Variants in FCGRT observed in about 807,000 individuals in gnomAD.
The protein encoded by FCGRT is Fc gamma receptor and transporter.
A neutral mutation model predicts 35.7 loss-of-function variants in FCGRT; 13 were observed. That is an observed-to-expected ratio of 0.36 (90% confidence interval 0.24 to 0.58). The LOEUF is 0.58. Ranked by LOEUF, FCGRT falls within the 20% of genes least tolerant of loss-of-function variation. The probability of loss-of-function intolerance (pLI) is 0.77; values close to 1 mark genes in which losing one functional copy is unlikely to be tolerated. For synonymous variants in FCGRT, 233 were observed against 216.5 expected, an observed-to-expected ratio of 1.08 and a Z score of -0.67; for missense variants, 455 against 474.9, an observed-to-expected ratio of 0.96 and a Z score of 0.39.
rs765804676 is a variant in FCGRT at position 49,524,586 on chromosome 19, C to T, written c.681C>T (p.Tyr227=). 3.7e-6 allele frequency: 6 copies of T among 1,612,604 alleles called. No individual in the cohort carries two copies. Among genetic ancestry groups the T allele is most frequent in the Admixed American group, 3.3e-5 (2 of 59,992 alleles). The stretch of plus-strand genomic sequence containing the variant: ...TTACCTGCAGCGCCTTCTCCTTCTA[C>T]CCTCCGGAGCTGCAACTTCGGTTCC... The part of the protein sequence containing the change: ...SVLTCSAFSF[Y]PPELQLRFLR... Residue 227 remains tyrosine, a synonymous_variant, in exon 5 of 7, where the codon TAC becomes TAT. Coordinates refer to ENST00000221466, the MANE Select transcript of FCGRT (RefSeq NM_001136019.3).
Position 49,524,614 on chromosome 19 carries a change from C to A in FCGRT, c.709C>A (p.Arg237=). The part of the protein sequence containing the change: ...YPPELQLRFL[R]NGLAAGTGQG... The stretch of plus-strand genomic sequence containing the variant: ...TCCGGAGCTGCAACTTCGGTTCCTG[C>A]GGAATGGGCTGGCCGCTGGCACCGG... Residue 237 remains arginine, a synonymous_variant, in exon 5 of 7, where the codon CGG becomes AGG. Transcript: ENST00000221466. 6.2e-7 allele frequency: 1 copy of A among 1,611,022 alleles called. No individual in the cohort carries two copies. The highest frequency in any genetic ancestry group is 8.5e-7 in the Non-Finnish European group (1 of 1,180,010).
rs1480439181 is a variant in FCGRT at position 49,514,392 on chromosome 19, G to A, written c.507G>A (p.Lys169=). ...AISQRWQQQD[K]AANKELTFLL... ...GTCAGCGGTGGCAGCAGCAGGACAAGGCGGCCAACAAGGAGCTCACCTTCC... is the reference window on the plus strand; with the variant it reads ...GTCAGCGGTGGCAGCAGCAGGACAAAGCGGCCAACAAGGAGCTCACCTTCC... The change falls in exon 4 of 7, where the codon AAG becomes AAA. Residue 169 remains lysine (K), a synonymous_variant. Coordinates refer to ENST00000221466, the MANE Select transcript of FCGRT (RefSeq NM_001136019.3). 6 of 1,609,276 alleles carry A rather than the reference G, an allele frequency of 3.7e-6. No homozygotes were observed. Among genetic ancestry groups the A allele is most frequent in the Admixed American group, 1.7e-5 (1 of 59,748 alleles).
Position 49,524,783 on chromosome 19 carries a change from T to C in FCGRT, c.871+7T>C, listed in dbSNP as rs3810194. On this transcript the variant is annotated splice_region_variant and intron_variant, in intron 5 of 6. Coordinates refer to ENST00000221466, the MANE Select transcript of FCGRT (RefSeq NM_001136019.3). ...CCCCTCAGGGTGGAGCTGGGTGAGG[T>C]CCCGCCAGGTGGTGATGCTCCTGGT... 0.086 allele frequency: 136,633 copies of C among 1,597,202 alleles called. 6,837 individuals carry two copies. Among genetic ancestry groups the C allele is most frequent in the African/African-American group, 0.18 (13,707 of 74,886 alleles).
At position 49,514,375 on chromosome 19, in the gene FCGRT, T is replaced by C; in HGVS notation, c.490T>C (p.Trp164Arg). 1 of 1,612,692 alleles carries C rather than the reference T, an allele frequency of 6.2e-7. No individual in the cohort carries two copies. The highest frequency in any genetic ancestry group is 8.5e-7 in the Non-Finnish European group (1 of 1,179,296). The part of the protein sequence containing the change: ...WPEALAISQR[W>R]QQQDKAANKE... ...CGAGGCCCTGGCTATCAGTCAGCGG[T>C]GGCAGCAGCAGGACAAGGCGGCCAA... is the stretch of plus-strand genomic sequence containing the variant. Residue 164 changes from tryptophan to arginine, a missense_variant, in exon 4 of 7, where the codon TGG becomes CGG. Physicochemically the swap from Trp to Arg is moderately radical, Grantham distance 101. Coordinates refer to ENST00000221466, the MANE Select transcript of FCGRT (RefSeq NM_001136019.3).
chr19:49,513,997 C>T lies in FCGRT; in HGVS notation c.189C>T (p.Ser63=). ...LGPQQYLSYN[S]LRGEAEPCGA... ...CGCAGCAGTACCTGAGCTACAATAGCCTGCGGGGCGAGGCGGAGCCCTGTG... is the reference window on the plus strand; with the variant it reads ...CGCAGCAGTACCTGAGCTACAATAGTCTGCGGGGCGAGGCGGAGCCCTGTG... The change falls in exon 3 of 7, where the codon AGC becomes AGT. Residue 63 remains serine, a synonymous_variant. Coordinates refer to ENST00000221466, the MANE Select transcript of FCGRT (RefSeq NM_001136019.3). 1 of 1,613,730 alleles carries T rather than the reference C, an allele frequency of 6.2e-7. No individual in the cohort carries two copies. The highest frequency in any genetic ancestry group is 1.6e-4 in the Middle Eastern group (1 of 6,062).
chr19:49,519,218 C>T (rs1019583259), intron 4 of FCGRT, among the ~76,000 whole-genome samples: 4 of 152,018 alleles, frequency 2.6e-5, no homozygotes, highest in African/African-American at 9.7e-5. Flanking sequence ...ATTGTTTTAA[C>T]TGTGCCTTTC....
chr19:49,525,049 C>CCTGCTGCTG (rs10525267), intron 5 of FCGRT: 4 of 594,394 alleles, frequency 6.7e-6, no homozygotes, highest in South Asian at 1.6e-5. Context: ...CATCTTCCAT[C>CCTGCTGCTG]CTGCTGCTGC....
chr19:49,520,396 A>G (rs1224600253), intron 4 of FCGRT, among the ~76,000 whole-genome samples: 1 of 142,044 alleles, frequency 7.0e-6, no homozygotes, highest in Non-Finnish European at 1.5e-5. Flanking sequence ...CGCAGGCTGG[A>G]GTACAATGGC....
Position 49,513,905 on chromosome 19 carries a change from C to T in FCGRT, c.97C>T (p.His33Tyr). The stretch of plus-strand genomic sequence containing the variant: ...AGAAAGCCACCTCTCCCTCCTGTAC[C>T]ACCTTACCGCGGTGTCCTCGCCTGC... ...GAESHLSLLY[H>Y]LTAVSSPAPG... The change falls in exon 3 of 7, where the codon CAC becomes TAC. Residue 33 changes from histidine to tyrosine, a missense_variant. Transcript: ENST00000221466. The T allele has an allele frequency of 6.2e-7, 1 of 1,609,232 alleles. No individual in the cohort carries two copies. Among genetic ancestry groups the T allele is most frequent in the Non-Finnish European group, 8.5e-7 (1 of 1,177,212 alleles).
intron 5 of FCGRT, chr19:49,525,066 T>C: frequency 1.7e-6 from 1 of 596,402 alleles, no homozygotes; most frequent in South Asian, 1.6e-5. Context: ...CTGCTGCTGC[T>C]GCTGCTGCGG....
rs117292762 is a variant in FCGRT at position 49,522,341 on chromosome 19, G to A, written c.602-2166G>A. On this transcript the variant is annotated intron_variant, in intron 4 of 6. Transcript: ENST00000221466. Reference sequence around the variant, plus strand: ...GTGATCCACCTCATTCTCCCAAAGCGCTGGGATTGTAGGAGTGAGCCACTG... The same window carrying A: ...GTGATCCACCTCATTCTCCCAAAGCACTGGGATTGTAGGAGTGAGCCACTG... Among the ~76,000 whole-genome samples the A allele has an allele frequency of 7.6e-3, 1,163 of 152,114 alleles. 36 individuals carry two copies. The highest frequency in any genetic ancestry group is 0.059 in the East Asian group (308 of 5,182).
At chr19:49,513,737 T>TGGGGGGGGG in intron 2 of FCGRT, 145 bp from the exon 3 acceptor site, 2 of 257,334 alleles carry the variant, frequency 7.8e-6, no homozygotes, top group Non-Finnish European at 1.3e-5. Context: ...TGGGTCTCTG[T>TGGGGGGGGG]CCCCCCCCCC....
intron 4 of FCGRT, among the ~76,000 whole-genome samples, chr19:49,517,628 CCTCA>C (rs1203354700): frequency 6.6e-6 from 1 of 152,146 alleles, no homozygotes. Context: ...TCACGCACAT[CCTCA>C]CTCACTTCCC....
chr19:49,517,366 T>C (rs2080013615), intron 4 of FCGRT, among the ~76,000 whole-genome samples: 1 of 151,774 alleles, frequency 6.6e-6, no homozygotes, highest in South Asian at 2.1e-4. Context: ...TGGTGGGTGC[T>C]TGTAATTCCA....
At chr19:49,512,949 T>C (rs1433675187) in intron 1 of FCGRT, among the ~76,000 whole-genome samples, 199 bp downstream of exon 1, 3 of 73,462 alleles carry the variant, frequency 4.1e-5, no homozygotes, top group South Asian at 5.0e-4. Context: ...CGGGGGGGCC[T>C]GGACTCCTGG....
intron 4 of FCGRT, among the ~76,000 whole-genome samples, chr19:49,519,497 ATT>A (rs1247429400): frequency 6.6e-6 from 1 of 151,752 alleles, no homozygotes; most frequent in Non-Finnish European, 1.5e-5. Context: ...TCCCCCTGTA[ATT>A]GTGGTTTGAA....
Position 49,514,123 on chromosome 19 carries a change from G to A in FCGRT, c.315G>A (p.Leu105=), listed in dbSNP as rs761777508. 139 of 1,612,556 alleles carry A rather than the reference G, an allele frequency of 8.6e-5. No homozygotes were observed. The highest frequency in any genetic ancestry group is 1.0e-4 in the Non-Finnish European group (121 of 1,179,802). Residue 105 remains leucine (L), a synonymous_variant, in exon 3 of 7, where the codon TTG becomes TTA. Transcript: ENST00000221466. ...EKLFLEAFKA[L]GGKGPYTLQG... ...TCTTTCTGGAAGCTTTCAAAGCTTT[G>A]GGGGGAAAAGGTGAGATTCCGGTCT... is the stretch of plus-strand genomic sequence containing the variant.
At chr19:49,525,345 C>G in intron 5 of FCGRT, 112 bp from the exon 6 acceptor site, 1 of 833,684 alleles carries the variant, frequency 1.2e-6, no homozygotes, top group Admixed American at 1.7e-5. Flanking sequence ...CCATCAGACA[C>G]TTGGTGCTGG....
chr19:49,519,683 G>C (rs1022698438), intron 4 of FCGRT, among the ~76,000 whole-genome samples: 1 of 152,038 alleles, frequency 6.6e-6, no homozygotes, highest in African/African-American at 2.4e-5. Context: ...GGTAGTTGGT[G>C]CGTATGTCTG....
Sources: allele counts gnomAD v4.1 joint callset (sites outside exome capture counted in the v4.1 genomes callset), GRCh38; gene constraint gnomAD v4.1.1; transcripts MANE v1.5; gene names NCBI Gene and HGNC (gene_info 2026-07-23, HGNC 2026-07-21).